Variants in JCAD observed in about 807,000 individuals in gnomAD.
JCAD encodes junctional cadherin 5 associated.
Under a neutral mutation model 98.0 loss-of-function variants are expected in JCAD, and 40 were observed. That is an observed-to-expected ratio of 0.41 (90% CI 0.32 to 0.53). The LOEUF (loss-of-function observed/expected upper bound fraction) is 0.53. Among genes scored for constraint, JCAD ranks in the 20% least tolerant of loss-of-function variants. JCAD has a pLI of 0.31. For missense variants in JCAD, 1,705 were observed against 1,738.1 expected, an observed-to-expected ratio of 0.98 and a Z score of 0.34; for synonymous variants, 691 against 682.3, an observed-to-expected ratio of 1.01 and a Z score of -0.20.
intron 2 of JCAD, among the ~76,000 whole-genome samples, chr10:30,068,403 A>G (rs1837823380): frequency 6.6e-6 from 1 of 151,112 alleles, no homozygotes. Context: ...AAAAAAAAAA[A>G]AAAAAAAAAA....
chr10:30,031,594 A>C (rs530671598), intron 2 of JCAD, among the ~76,000 whole-genome samples: 1 of 151,136 alleles, frequency 6.6e-6, no homozygotes, highest in East Asian at 2.0e-4. Flanking sequence ...GGCACCTGCC[A>C]CCACACCCGG....
chr10:30,078,303 T>C (rs1838013602), intron 1 of JCAD, among the ~76,000 whole-genome samples: 2 of 152,370 alleles, frequency 1.3e-5, no homozygotes, highest in Middle Eastern at 3.4e-3. Flanking sequence ...GTCACTGTCA[T>C]ACCACACAGC....
At chr10:30,066,852 C>A (rs1564461325) in intron 2 of JCAD, among the ~76,000 whole-genome samples, 5 of 152,064 alleles carry the variant, frequency 3.3e-5, no homozygotes, top group Admixed American at 3.3e-4. Flanking sequence ...GAAATCCCTT[C>A]TCTACTAAAA....
chr10:30,086,094 TTTTAATTTTTAAAATTAAA>T (rs1486774041), intron 1 of JCAD, among the ~76,000 whole-genome samples: 21 of 152,206 alleles, frequency 1.4e-4, no homozygotes, highest in African/African-American at 5.1e-4. Context: ...TTAAAATTAA[TTTTAATTTTTAAAATTAAA>T]TTTAAAACAA....
chr10:30,047,633 G>A lies in JCAD; in HGVS notation c.180C>T (p.Ser60=), dbSNP rs756025888. ...GPAALAHRKT[S]AGKGHVSDSE... The stretch of plus-strand genomic sequence containing the variant: ...AGTCACTCACATGTCCTTTCCCCGC[G>A]GACGTCTTACGATGTGCGAGGGCCG... Residue 60 remains serine (S), a synonymous_variant, in exon 2 of 4, where the codon TCC becomes TCT. Transcript: ENST00000375377. 1.5e-5 allele frequency: 24 copies of A among 1,614,026 alleles called. No individual in the cohort carries two copies. In the Admixed American group the frequency reaches 2.8e-4, roughly 19 times the overall value.
chr10:30,080,824 C>A (rs1003921205), intron 1 of JCAD, among the ~76,000 whole-genome samples: 2 of 152,196 alleles, frequency 1.3e-5, no homozygotes, highest in Non-Finnish European at 2.9e-5. Flanking sequence ...CAGCATTAAA[C>A]CACGGGCCTG....
chr10:30,070,638 C>A (rs1303506918), intron 1 of JCAD, among the ~76,000 whole-genome samples: 6 of 152,192 alleles, frequency 3.9e-5, no homozygotes, highest in African/African-American at 1.2e-4. Context: ...CTGTAACTAA[C>A]TGGTCACAGA....
At chr10:30,025,664 G>A (rs1311284356) in intron 3 of JCAD, among the ~76,000 whole-genome samples, 1 of 151,178 alleles carries the variant, frequency 6.6e-6, no homozygotes. Context: ...CTCTTCTACT[G>A]ATCACCTGAG....
chr10:30,097,139 C>T (rs888940553), intron 1 of JCAD, among the ~76,000 whole-genome samples: 15 of 152,144 alleles, frequency 9.9e-5, no homozygotes, highest in African/African-American at 3.6e-4. Context: ...ATGCTCAAAC[C>T]AAATCTGCAC....
intron 1 of JCAD, among the ~76,000 whole-genome samples, chr10:30,103,730 T>TTTC (rs1838511297): frequency 7.2e-6 from 1 of 139,630 alleles, no homozygotes; most frequent in African/African-American, 2.8e-5. Context: ...TGAGTCAATT[T>TTTC]TTCTTTTTTT....
At position 30,029,490 on chromosome 10, in the gene JCAD, C is replaced by T. The variant is rs776208828; in HGVS notation, c.658G>A (p.Val220Met). Reference protein sequence around the residue: ...DLYPFIQGEHVLNSQNKGKSR... With the variant: ...DLYPFIQGEHMLNSQNKGKSR... Reference sequence around the variant, plus strand: ...TTCCCTTTGTTTTGAGAATTCAACACATGTTCTCCTTGAATGAATGGGTAC... The same window carrying T: ...TTCCCTTTGTTTTGAGAATTCAACATATGTTCTCCTTGAATGAATGGGTAC... The change falls in exon 3 of 4, where the codon GTG becomes ATG. Residue 220 changes from valine (V) to methionine (M), a missense_variant. By Grantham distance (21) the Val-to-Met change is conservative. Around this residue, in one of 3 missense-constraint regions of JCAD, gnomAD observed 275 missense variants for 346.9 expected, o/e 0.79. Coordinates refer to ENST00000375377, the MANE Select transcript of JCAD (RefSeq NM_020848.4). 5.0e-6 allele frequency: 8 copies of T among 1,614,094 alleles called. No individual in the cohort carries two copies. The East Asian group carries it at 1.8e-4, about 36-fold the overall frequency.
rs776672382 is a variant in JCAD, at chr10:30,026,505, T to C, written c.3643A>G (p.Thr1215Ala). The C allele has an allele frequency of 1.2e-6, 2 of 1,614,244 alleles. No homozygotes were observed. The highest frequency in any genetic ancestry group is 2.2e-5 in the East Asian group (1 of 44,884). ...GTTCTTTCTACAAAATGGAATAAAG[T>C]GGACCTGAAGGGTGGTTTTGTTTCC... ...DVETKPPFRSTLFHFVERTPS... is the reference protein window; with the variant it reads ...DVETKPPFRSALFHFVERTPS... Residue 1215 changes from threonine (T) to alanine (A), a missense_variant, in exon 3 of 4, where the codon ACT becomes GCT. Physicochemically the swap from Thr to Ala is moderately conservative, Grantham distance 58. Coordinates refer to ENST00000375377, the MANE Select transcript of JCAD (RefSeq NM_020848.4).
intron 1 of JCAD, among the ~76,000 whole-genome samples, chr10:30,050,460 T>C (rs1472073801): frequency 6.6e-6 from 1 of 152,184 alleles, no homozygotes; most frequent in Admixed American, 6.5e-5. Flanking sequence ...AAAGTTAGCA[T>C]TAGGTCTCAC....
upstream of JCAD, among the ~76,000 whole-genome samples, chr10:30,063,842 CT>C (rs1213837281): frequency 6.6e-6 from 1 of 151,738 alleles, no homozygotes; most frequent in East Asian, 1.9e-4. Context: ...GAGTCTTGCT[CT>C]GTTGCCCAGC....
chr10:30,086,173 A>G (rs942659963), intron 1 of JCAD, among the ~76,000 whole-genome samples: 3 of 152,186 alleles, frequency 2.0e-5, no homozygotes, highest in African/African-American at 7.2e-5. Flanking sequence ...TAAAAAAAGG[A>G]ACATGTACAA....
At chr10:30,077,519 A>G (rs955972842) in intron 1 of JCAD, among the ~76,000 whole-genome samples, 4 of 152,200 alleles carry the variant, frequency 2.6e-5, no homozygotes, top group African/African-American at 4.8e-5. Context: ...TACAACCATC[A>G]TGACTATTCA....
In JCAD at chr10:30,026,100, C is replaced by A. The variant is rs1836785456; in HGVS notation, c.4045+3G>T. On this transcript the variant is annotated splice_donor_region_variant and intron_variant, in intron 3 of 3. Transcript: ENST00000375377. ...GCACCTGCCTGTCTGCCTGATTCCT[C>A]ACCTGGGCACCAGAAGTCTTGATCC... The A allele has an allele frequency of 6.8e-6, 11 of 1,614,156 alleles. No individual in the cohort carries two copies. Among genetic ancestry groups the A allele is most frequent in the Non-Finnish European group, 9.3e-6 (11 of 1,180,048 alleles).
intron 2 of JCAD, among the ~76,000 whole-genome samples, chr10:30,065,495 C>T (rs1321339574): frequency 6.6e-6 from 1 of 151,780 alleles, no homozygotes; most frequent in African/African-American, 2.4e-5. Flanking sequence ...AATTCACAGA[C>T]TATATCGCAT....
chr10:30,027,764 G>A lies in JCAD; in HGVS notation c.2384C>T (p.Pro795Leu). ...CTTCACCACCTCCCGCTTAGGCCCA[G>A]GGTGGGCTCCAAGCCCGTGGACATC... ...CVDVHGLGAHPGPKREVVKGE... is the reference protein window; with the variant it reads ...CVDVHGLGAHLGPKREVVKGE... The change falls in exon 3 of 4, where the codon CCT (proline) becomes CTT (leucine). Residue 795 changes from proline to leucine, a missense_variant. Coordinates refer to ENST00000375377, the MANE Select transcript of JCAD (RefSeq NM_020848.4). The A allele has an allele frequency of 1.2e-6, 2 of 1,614,242 alleles. No homozygotes were observed. Among genetic ancestry groups the A allele is most frequent in the South Asian group, 1.1e-5 (1 of 91,092 alleles).
Sources: allele counts gnomAD v4.1 joint callset (sites outside exome capture counted in the v4.1 genomes callset), GRCh38; gene constraint gnomAD v4.1.1; regional missense constraint gnomAD v4.1.1; transcripts MANE v1.5; gene names NCBI Gene and HGNC (gene_info 2026-07-23, HGNC 2026-07-21).